TMCC1: variants seen among roughly 807,000 people sequenced by gnomAD.
The protein encoded by TMCC1 is transmembrane and coiled-coil domain family 1, also known as transmembrane and coiled-coil domains protein 1.
A neutral mutation model predicts 52.4 loss-of-function variants in TMCC1; 15 were observed. The ratio of observed to expected loss-of-function variants is 0.29; its 90% CI spans 0.19 to 0.44. The LOEUF (loss-of-function observed/expected upper bound fraction) is 0.44. TMCC1 is among the 20% of genes least tolerant of loss of function. The pLI, the probability that TMCC1 is intolerant of heterozygous loss-of-function variation, is 1.00. For synonymous variants in TMCC1, 279 were observed against 301.9 expected, an observed-to-expected ratio of 0.92 and a Z score of 0.79; for missense variants, 503 against 806.0, an observed-to-expected ratio of 0.62 and a Z score of 4.55.
At chr3:129,872,774 C>G (rs1478272416) in intron 2 of TMCC1, among the ~76,000 whole-genome samples, 2 of 152,084 alleles carry the variant, frequency 1.3e-5, no homozygotes, top group Non-Finnish European at 2.9e-5. Context: ...AATTACCTAT[C>G]TCGTTGCTTC....
At chr3:129,747,920 C>G (rs1014345467) in intron 4 of TMCC1, among the ~76,000 whole-genome samples, 1 of 152,218 alleles carries the variant, frequency 6.6e-6, no homozygotes, top group South Asian at 2.1e-4. Flanking sequence ...AAGAAAGAAC[C>G]CTGTAAACTG....
intron 4 of TMCC1, among the ~76,000 whole-genome samples, chr3:129,779,944 C>G (rs2055383050): frequency 6.6e-6 from 1 of 152,104 alleles, no homozygotes; most frequent in African/African-American, 2.4e-5. Context: ...GCTGCCATGC[C>G]AGCAGAGTTT....
chr3:129,801,003 A>T (rs1405829484), intron 4 of TMCC1, among the ~76,000 whole-genome samples: 1 of 144,122 alleles, frequency 6.9e-6, no homozygotes, highest in East Asian at 2.0e-4. Flanking sequence ...GGCTCACTGC[A>T]AGCTCCGCCT....
intron 2 of TMCC1, among the ~76,000 whole-genome samples, chr3:129,856,942 G>A (rs888371176): frequency 1.3e-5 from 2 of 151,602 alleles, no homozygotes; most frequent in African/African-American, 4.8e-5. Flanking sequence ...TTTTTGAGAC[G>A]TAATCTTGCT....
intron 4 of TMCC1, among the ~76,000 whole-genome samples, chr3:129,697,851 C>T (rs182264020): frequency 1.1e-3 from 167 of 152,264 alleles, no homozygotes; most frequent in African/African-American, 3.6e-3. Context: ...CATCGCAGCC[C>T]GGACTTTATT....
intron 4 of TMCC1, among the ~76,000 whole-genome samples, chr3:129,675,215 C>T (rs896334053): frequency 6.6e-6 from 1 of 152,210 alleles, no homozygotes; most frequent in African/African-American, 2.4e-5. Flanking sequence ...CTTTCAAAGG[C>T]AGCACTGCAA....
intron 4 of TMCC1, among the ~76,000 whole-genome samples, chr3:129,823,872 A>G (rs1418536520): frequency 6.6e-6 from 1 of 152,234 alleles, no homozygotes; most frequent in African/African-American, 2.4e-5. Context: ...AAAAGCAGAA[A>G]TTAGGTCACA....
chr3:129,744,786 A>C (rs2051778342), intron 4 of TMCC1, among the ~76,000 whole-genome samples: 1 of 152,180 alleles, frequency 6.6e-6, no homozygotes. Flanking sequence ...CTTCACTCAA[A>C]GATGAAACTG....
chr3:129,864,549 G>A (rs939757837), intron 2 of TMCC1, among the ~76,000 whole-genome samples: 1 of 152,158 alleles, frequency 6.6e-6, no homozygotes, highest in Non-Finnish European at 1.5e-5. Flanking sequence ...CAGCACTCTG[G>A]GAGGCTGAGG....
intron 4 of TMCC1, among the ~76,000 whole-genome samples, chr3:129,782,454 G>T (rs1271957470): frequency 6.6e-6 from 1 of 152,084 alleles, no homozygotes; most frequent in East Asian, 1.9e-4. Flanking sequence ...TGAGAACTAA[G>T]AATTGAAAAC....
intron 2 of TMCC1, among the ~76,000 whole-genome samples, chr3:129,851,248 C>A (rs537191927): frequency 6.6e-6 from 1 of 152,208 alleles, no homozygotes; most frequent in African/African-American, 2.4e-5. Context: ...AATATGCACA[C>A]CCTACAGGCC....
chr3:129,649,720 T>A lies in TMCC1; in HGVS notation c.*1761A>T, dbSNP rs2086212979. ...AAGTGGAAACAGGCAAAGCATACTT[T>A]GTTACTCTTTTCAGGGCATCTTATA... On this transcript the variant is annotated 3_prime_UTR_variant, in exon 7 of 7. Coordinates refer to ENST00000393238, the MANE Select transcript of TMCC1 (RefSeq NM_001017395.5). 1 of 152,582 alleles carries A rather than the reference T, an allele frequency of 6.6e-6. No homozygotes were observed. Among genetic ancestry groups the A allele is most frequent in the Non-Finnish European group, 1.5e-5 (1 of 68,034 alleles). The allele number at this position is 152,582 out of a possible 1,614,324, so 9.5% of individuals were successfully genotyped here.
intron 2 of TMCC1, chr3:129,857,165 AC>A (rs1400404112): frequency 6.6e-6 from 1 of 152,198 alleles, no homozygotes; most frequent in Non-Finnish European, 1.5e-5. Flanking sequence ...CAAGTGATCC[AC>A]CCACCTCAGC....
At chr3:129,766,723 A>G (rs1041503495) in intron 4 of TMCC1, among the ~76,000 whole-genome samples, 1 of 151,742 alleles carries the variant, frequency 6.6e-6, no homozygotes, top group Non-Finnish European at 1.5e-5. Flanking sequence ...GGCTCAAGTG[A>G]TCCTCCCACC....
intron 4 of TMCC1, among the ~76,000 whole-genome samples, chr3:129,728,442 C>T (rs1251108000): frequency 4.6e-5 from 7 of 152,102 alleles, no homozygotes; most frequent in African/African-American, 1.2e-4. Flanking sequence ...CCGGCCACCA[C>T]GCCCAGCTAA....
chr3:129,864,369 C>T (rs1560574546), intron 2 of TMCC1, among the ~76,000 whole-genome samples: 1 of 152,180 alleles, frequency 6.6e-6, no homozygotes, highest in Non-Finnish European at 1.5e-5. Flanking sequence ...TATACCTATG[C>T]CCAATTAGAA....
chr3:129,892,973 C>T (rs921214822), intron 1 of TMCC1, among the ~76,000 whole-genome samples: 21 of 152,198 alleles, frequency 1.4e-4, no homozygotes, highest in South Asian at 8.3e-4. Flanking sequence ...CTCCCCAGTA[C>T]GCCGGGCTCC....
Position 129,671,277 on chromosome 3 carries a change from C to A in TMCC1, c.577-13G>T, listed in dbSNP as rs754487875. Reference sequence around the variant, plus strand: ...CCAACCGTTCGATCTAGTGTAAAAACAAGAGGTACATGTTAGAAGCCCAAG... The same window carrying A: ...CCAACCGTTCGATCTAGTGTAAAAAAAAGAGGTACATGTTAGAAGCCCAAG... On this transcript the variant is annotated splice_polypyrimidine_tract_variant and intron_variant, in intron 4 of 6. Coordinates refer to ENST00000393238, the MANE Select transcript of TMCC1 (RefSeq NM_001017395.5). 2.5e-6 allele frequency: 4 copies of A among 1,595,606 alleles called. No individual in the cohort carries two copies. In the South Asian group the frequency reaches 4.5e-5, roughly 18 times the overall value.
Position 129,828,452 on chromosome 3 carries a change from G to A in TMCC1, c.-74C>T. 1.4e-6 allele frequency: 2 copies of A among 1,436,356 alleles called. No homozygotes were observed. The highest frequency in any genetic ancestry group is 9.5e-7 in the Non-Finnish European group (1 of 1,048,798). 89.0% of individuals were successfully genotyped at this position (1,436,356 alleles called of 1,614,324 possible). On this transcript the variant is annotated 5_prime_UTR_variant, in exon 4 of 7. Transcript: ENST00000393238. The surrounding 1 kb of genome is among the most constrained non-coding windows in gnomAD (Gnocchi z 4.1). ...ACACCAAGAGTGTCAAATTAGGTAG[G>A]CATTTGCTTCAACAGTGACTACGCA...
Sources: allele counts gnomAD v4.1 joint callset (sites outside exome capture counted in the v4.1 genomes callset), GRCh38; gene constraint gnomAD v4.1.1; non-coding constraint Gnocchi (gnomAD v3.1); transcripts MANE v1.5; gene names NCBI Gene and HGNC (gene_info 2026-07-23, HGNC 2026-07-21).